PPP2R3A: variants seen among roughly 807,000 people sequenced by gnomAD.
The protein encoded by PPP2R3A is protein phosphatase 2 regulatory subunit B''alpha.
PPP2R3A carries 80 observed loss-of-function variants against 106.9 expected under a neutral mutation model. That is an observed-to-expected ratio of 0.75 (90% CI 0.62 to 0.90). The LOEUF is 0.90. PPP2R3A is among the 40% of genes least tolerant of loss of function. The probability of loss-of-function intolerance (pLI) is 0.00; values close to 1 mark genes in which losing one functional copy is unlikely to be tolerated. For missense variants in PPP2R3A, 1,386 were observed against 1,350.4 expected (o/e 1.03, Z -0.41); for synonymous variants, 483 against 468.3 (o/e 1.03, Z -0.41).
intron 13 of PPP2R3A, among the ~76,000 whole-genome samples, chr3:136,138,865 C>A (rs1016795643): frequency 6.6e-6 from 1 of 151,652 alleles, no homozygotes; most frequent in East Asian, 1.9e-4. Context: ...GCATGCACCA[C>A]CACGCCCAGC....
chr3:136,126,564 T>C (rs938048962), intron 13 of PPP2R3A, among the ~76,000 whole-genome samples: 19 of 152,192 alleles, frequency 1.2e-4, no homozygotes, highest in Non-Finnish European at 1.8e-4. Context: ...GGGCAGGGCA[T>C]ACCTGAACAA....
intron 2 of PPP2R3A, among the ~76,000 whole-genome samples, chr3:136,013,840 TTAAG>T (rs1934179673): frequency 6.6e-6 from 1 of 152,178 alleles, no homozygotes; most frequent in Non-Finnish European, 1.5e-5. Context: ...GCTTTTTAGT[TTAAG>T]TAAGTCCCAT....
chr3:136,111,616 A>G (rs887562183), intron 13 of PPP2R3A, among the ~76,000 whole-genome samples: 2 of 152,126 alleles, frequency 1.3e-5, no homozygotes, highest in Admixed American at 6.6e-5. Flanking sequence ...GAAACACTGA[A>G]CAGACCAGTA....
At chr3:136,032,530 ATT>A (rs745329334) in intron 3 of PPP2R3A, among the ~76,000 whole-genome samples, 23 of 143,888 alleles carry the variant, frequency 1.6e-4, no homozygotes, top group Admixed American at 1.5e-3. Context: ...TTATTTATTT[ATT>A]TTTTTTTTTT....
At chr3:136,049,619 G>A (rs1935609943) in intron 5 of PPP2R3A, among the ~76,000 whole-genome samples, 1 of 152,162 alleles carries the variant, frequency 6.6e-6, no homozygotes, top group South Asian at 2.1e-4. Context: ...TCCCACTGAA[G>A]CAGAGGAGAG....
chr3:136,021,938 G>T lies in PPP2R3A; in HGVS notation c.1996-4894G>T, dbSNP rs1255539623. Among the ~76,000 whole-genome samples, 3 of 152,206 alleles carry T rather than the reference G, an allele frequency of 2.0e-5. No individual in the cohort carries two copies. In the East Asian group the frequency reaches 5.8e-4, roughly 29 times the overall value. ...ATGGGAGAATGTGAGTAGGTTGTAT[G>T]CAAATATTACACATTTTATGTAAGA... On this transcript the variant is annotated intron_variant, in intron 2 of 13. Coordinates refer to ENST00000264977, the MANE Select transcript of PPP2R3A (RefSeq NM_002718.5).
At chr3:136,119,832 G>A (rs369335267) in intron 13 of PPP2R3A, among the ~76,000 whole-genome samples, 17 of 152,200 alleles carry the variant, frequency 1.1e-4, no homozygotes, top group South Asian at 2.1e-4. Flanking sequence ...TAGAAATACC[G>A]TTTGACCCAG....
In PPP2R3A at chr3:136,002,555, T is replaced by C. The variant is rs1326850009; in HGVS notation, c.1057T>C (p.Leu353=). ...SDSGRFQTIE[L]QNDKPNSRKM... Reference sequence around the variant, plus strand: ...CTCTGGACGATTTCAAACTATTGAATTGCAAAATGACAAGCCTAATTCTAG... The same window carrying C: ...CTCTGGACGATTTCAAACTATTGAACTGCAAAATGACAAGCCTAATTCTAG... Residue 353 remains leucine (L), a synonymous_variant, in exon 2 of 14, where the codon TTG becomes CTG. Coordinates refer to ENST00000264977, the MANE Select transcript of PPP2R3A (RefSeq NM_002718.5). The C allele has an allele frequency of 8.7e-6, 14 of 1,613,862 alleles. No homozygotes were observed. In the East Asian group the frequency reaches 8.9e-5, roughly 10 times the overall value.
chr3:136,039,941 C>G (rs1576454498), intron 3 of PPP2R3A, among the ~76,000 whole-genome samples: 1 of 151,926 alleles, frequency 6.6e-6, no homozygotes, highest in East Asian at 1.9e-4. Context: ...CCAGTCTTTC[C>G]TAAGGCTTTG....
intron 10 of PPP2R3A, among the ~76,000 whole-genome samples, chr3:136,097,851 A>G (rs977891645): frequency 6.6e-6 from 1 of 152,156 alleles, no homozygotes; most frequent in African/African-American, 2.4e-5. Context: ...TAACAACCAG[A>G]TATTATTACA....
chr3:135,982,764 C>T (rs1221541905), intron 1 of PPP2R3A, among the ~76,000 whole-genome samples: 1 of 152,140 alleles, frequency 6.6e-6, no homozygotes, highest in Non-Finnish European at 1.5e-5. Context: ...TCTTCCCCAA[C>T]TCCAGCCACC....
At chr3:136,054,248 C>T (rs1001687634) in intron 5 of PPP2R3A, among the ~76,000 whole-genome samples, 2 of 145,236 alleles carry the variant, frequency 1.4e-5, no homozygotes, top group Non-Finnish European at 3.0e-5. Context: ...GTATACTTCA[C>T]AATTCTTTTT....
intron 13 of PPP2R3A, among the ~76,000 whole-genome samples, chr3:136,129,633 T>C (rs934597080): frequency 1.3e-5 from 2 of 152,028 alleles, no homozygotes; most frequent in Non-Finnish European, 2.9e-5. Context: ...CTCCAATCAA[T>C]AGAAAAAGAG....
chr3:136,048,264 C>G (rs1935544421), intron 4 of PPP2R3A, among the ~76,000 whole-genome samples: 1 of 152,096 alleles, frequency 6.6e-6, no homozygotes, highest in African/African-American at 2.4e-5. Flanking sequence ...TTTACAAATG[C>G]CTGGTGTGAG....
intron 13 of PPP2R3A, among the ~76,000 whole-genome samples, chr3:136,135,688 T>C (rs541440327): frequency 2.6e-5 from 4 of 152,246 alleles, no homozygotes; most frequent in Admixed American, 1.3e-4. Flanking sequence ...TAAGATATTA[T>C]ATGTAAACAC....
At position 136,002,388 on chromosome 3, in the gene PPP2R3A, T is replaced by A. The variant is rs375282717; in HGVS notation, c.890T>A (p.Met297Lys). The A allele has an allele frequency of 5.0e-6, 8 of 1,613,882 alleles. No individual in the cohort carries two copies. In the Admixed American group the frequency reaches 6.7e-5, roughly 13 times the overall value. ...CTGAAAAAGTTACCATTTGAATTCA[T>A]GCAGTCTGGGAATAATGAGGCTCTA... Reference protein sequence around the residue: ...SYLKKLPFEFMQSGNNEALDL... With the variant: ...SYLKKLPFEFKQSGNNEALDL... The change falls in exon 2 of 14, where the codon ATG becomes AAG. Residue 297 changes from methionine to lysine, a missense_variant. By Grantham distance (95) the Met-to-Lys change is moderately conservative. Coordinates refer to ENST00000264977, the MANE Select transcript of PPP2R3A (RefSeq NM_002718.5).
intron 13 of PPP2R3A, among the ~76,000 whole-genome samples, chr3:136,144,234 A>G (rs1397850853): frequency 2.0e-5 from 3 of 152,228 alleles, no homozygotes; most frequent in Non-Finnish European, 2.9e-5. Context: ...CAGGTATGCT[A>G]TAGAGACCTA....
At chr3:136,014,803 G>A (rs1934214629) in intron 2 of PPP2R3A, among the ~76,000 whole-genome samples, 1 of 151,978 alleles carries the variant, frequency 6.6e-6, no homozygotes, top group African/African-American at 2.4e-5. Flanking sequence ...TTACCTATTT[G>A]GATGCCCTTT....
Position 136,003,133 on chromosome 3 carries a change from G to T in PPP2R3A, c.1635G>T (p.Gln545His), listed in dbSNP as rs1475673023. The T allele has an allele frequency of 6.2e-7, 1 of 1,613,278 alleles. No individual in the cohort carries two copies. Among genetic ancestry groups the T allele is most frequent in the African/African-American group, 1.3e-5 (1 of 74,938 alleles). ...KNSNFLNSHS[Q>H]LTGQTLVDLE... is the part of the protein sequence containing the mutation. ...CTAATTTTTTAAATAGTCACAGTCAGTTGACCGGTCAGACCCTTGTAGATC... is the reference window on the plus strand; with the variant it reads ...CTAATTTTTTAAATAGTCACAGTCATTTGACCGGTCAGACCCTTGTAGATC... Residue 545 changes from glutamine (Q) to histidine (H), a missense_variant, in exon 2 of 14, where the codon CAG becomes CAT. By Grantham distance (24) the Gln-to-His change is conservative. Transcript: ENST00000264977.
Sources: gnomAD v4.1 joint callset for allele counts (sites outside exome capture counted in the v4.1 genomes callset) on GRCh38, gnomAD v4.1.1 for gene constraint, MANE v1.5 for transcripts, NCBI Gene and HGNC (gene_info 2026-07-23, HGNC 2026-07-21) for gene names.